MAP2K4: variants seen among roughly 807,000 people sequenced by gnomAD.
The protein encoded by MAP2K4 is dual specificity mitogen-activated protein kinase kinase 4.
A neutral mutation model predicts 48.5 loss-of-function variants in MAP2K4; 4 were observed. The observed-to-expected ratio is 0.08, with a 90% CI of 0.04 to 0.19. MAP2K4 has a LOEUF of 0.19. Among genes scored for constraint, MAP2K4 ranks in the 10% least tolerant of loss-of-function variants. MAP2K4 has a pLI of 1.00. For missense variants in MAP2K4, 258 were observed against 493.3 expected, an observed-to-expected ratio of 0.52 and a Z score of 4.52; for synonymous variants, 166 against 173.1, an observed-to-expected ratio of 0.96 and a Z score of 0.32.
chr17:12,046,638 A>G (rs1969974109), intron 1 of MAP2K4, among the ~76,000 whole-genome samples: 1 of 152,184 alleles, frequency 6.6e-6, no homozygotes, highest in African/African-American at 2.4e-5. Context: ...ACTGTGCTTA[A>G]TTGATGTGAA....
At chr17:12,103,155 T>A (rs1372522731) in intron 4 of MAP2K4, among the ~76,000 whole-genome samples, 4 of 149,872 alleles carry the variant, frequency 2.7e-5, no homozygotes, top group Non-Finnish European at 5.9e-5. Flanking sequence ...TCTTCCCACA[T>A]CAGTCTCCTG....
intron 4 of MAP2K4, among the ~76,000 whole-genome samples, chr17:12,101,386 A>G (rs1191912135): frequency 6.6e-6 from 1 of 151,982 alleles, no homozygotes; most frequent in African/African-American, 2.4e-5. Flanking sequence ...CTGATCTCAC[A>G]TGGTCTTGGA....
At chr17:12,118,156 A>G (rs1210167540) in intron 7 of MAP2K4, among the ~76,000 whole-genome samples, 2 of 152,204 alleles carry the variant, frequency 1.3e-5, no homozygotes, top group Admixed American at 6.5e-5. Context: ...CAGTGGAGAA[A>G]TTCATTGATG....
intron 7 of MAP2K4, among the ~76,000 whole-genome samples, chr17:12,116,940 C>T (rs184133390): frequency 2.8e-4 from 42 of 152,152 alleles, no homozygotes; most frequent in Admixed American, 2.4e-3. Flanking sequence ...ACCACGAGCG[C>T]GAGTAATGTG....
intron 7 of MAP2K4, 90 bp downstream of exon 7, chr17:12,113,450 C>T (rs1450669825): frequency 1.2e-5 from 17 of 1,447,810 alleles, no homozygotes; most frequent in Non-Finnish European, 1.5e-5. Flanking sequence ...TACGGTTTTA[C>T]CATGAAACTG....
At chr17:12,138,547 C>T (rs1312321367) in intron 9 of MAP2K4, among the ~76,000 whole-genome samples, 1 of 151,606 alleles carries the variant, frequency 6.6e-6, no homozygotes, top group Non-Finnish European at 1.5e-5. Context: ...CTTGCTATCT[C>T]GGGTGGCAGA....
At chr17:12,113,973 C>T (rs969358085) in intron 7 of MAP2K4, among the ~76,000 whole-genome samples, 5 of 152,110 alleles carry the variant, frequency 3.3e-5, no homozygotes, top group African/African-American at 1.2e-4. Context: ...AATGTAGTGT[C>T]TGTATTTCAG....
intron 2 of MAP2K4, among the ~76,000 whole-genome samples, chr17:12,057,677 T>C (rs1373459930): frequency 1.3e-5 from 2 of 152,120 alleles, no homozygotes; most frequent in South Asian, 2.1e-4. Context: ...TTGGACTGCC[T>C]ATATCCCCTG....
chr17:12,077,434 T>C lies in MAP2K4; in HGVS notation c.219-3922T>C, dbSNP rs757219539. On this transcript the variant is annotated intron_variant, in intron 2 of 10. Transcript: ENST00000353533. ...AAACAACAACAAGGATAGGAACAAA[T>C]AGTGGCTTAAACCAGATAGTTTATT... is the stretch of plus-strand genomic sequence containing the variant. 1.8e-4 allele frequency among the ~76,000 whole-genome samples: 27 copies of C among 152,196 alleles called. 1 individual carries two copies. The highest frequency in any genetic ancestry group is 9.2e-4 in the Admixed American group (14 of 15,280).
chr17:12,080,167 C>G (rs1448259326), intron 2 of MAP2K4, among the ~76,000 whole-genome samples: 1 of 152,044 alleles, frequency 6.6e-6, no homozygotes, highest in African/African-American at 2.4e-5. Flanking sequence ...TTTTTGGGAA[C>G]CTTAAAGGTT....
intron 2 of MAP2K4, among the ~76,000 whole-genome samples, chr17:12,057,048 C>T (rs552803140): frequency 6.6e-6 from 1 of 152,034 alleles, no homozygotes; most frequent in African/African-American, 2.4e-5. Flanking sequence ...TTTCAGATCT[C>T]CTTGGCATTT....
intron 1 of MAP2K4, among the ~76,000 whole-genome samples, chr17:12,022,285 A>G (rs911152001): frequency 2.0e-5 from 3 of 151,588 alleles, no homozygotes; most frequent in Non-Finnish European, 2.9e-5. Flanking sequence ...AAAACCAGTG[A>G]TAGATATATA....
At chr17:12,114,847 G>C (rs545191533) in intron 7 of MAP2K4, among the ~76,000 whole-genome samples, 37 of 152,178 alleles carry the variant, frequency 2.4e-4, no homozygotes, top group Non-Finnish European at 5.3e-4. Context: ...CTTGTGCAGA[G>C]ATATGCTTTG....
At chr17:12,140,261 A>G (rs1234038142) in intron 10 of MAP2K4, among the ~76,000 whole-genome samples, 1 of 152,156 alleles carries the variant, frequency 6.6e-6, no homozygotes, top group Non-Finnish European at 1.5e-5. Flanking sequence ...TTTACGTCAT[A>G]TAGCCTATTC....
intron 4 of MAP2K4, among the ~76,000 whole-genome samples, chr17:12,105,325 A>G (rs1470958875): frequency 6.6e-6 from 1 of 152,068 alleles, no homozygotes; most frequent in Admixed American, 6.6e-5. Flanking sequence ...TGTTCAGGTT[A>G]TTGTTATGTC....
At chr17:12,068,751 A>ATT (rs933631573) in intron 2 of MAP2K4, among the ~76,000 whole-genome samples, 1 of 150,166 alleles carries the variant, frequency 6.7e-6, no homozygotes, top group Non-Finnish European at 1.5e-5. Context: ...ACATATATAT[A>ATT]TTATATATAT....
intron 5 of MAP2K4, among the ~76,000 whole-genome samples, 180 bp from the exon 6 acceptor site, chr17:12,110,195 C>T (rs933363815): frequency 1.3e-5 from 2 of 152,080 alleles, no homozygotes; most frequent in Non-Finnish European, 2.9e-5. Context: ...ATAAAGGCAA[C>T]TAAGCTTTTA....
chr17:12,107,252 G>C (rs775876186), intron 4 of MAP2K4, among the ~76,000 whole-genome samples: 3 of 152,038 alleles, frequency 2.0e-5, no homozygotes, highest in Non-Finnish European at 4.4e-5. Flanking sequence ...TTACAGAACA[G>C]AGCAGGATAA....
intron 2 of MAP2K4, among the ~76,000 whole-genome samples, chr17:12,056,710 A>G (rs1327742262): frequency 1.3e-5 from 2 of 152,062 alleles, no homozygotes; most frequent in Non-Finnish European, 2.9e-5. Context: ...TAACTGTTTT[A>G]TTACTTAGAA....
Sources: allele counts gnomAD v4.1 joint callset (sites outside exome capture counted in the v4.1 genomes callset), GRCh38; gene constraint gnomAD v4.1.1; transcripts MANE v1.5; gene names NCBI Gene and HGNC (gene_info 2026-07-23, HGNC 2026-07-21).